ACYP2: variants seen among roughly 807,000 people sequenced by gnomAD.
The protein encoded by ACYP2 is acylphosphatase-2.
ACYP2 carries 12 observed loss-of-function variants against 11.2 expected under a neutral mutation model. That is an observed-to-expected ratio of 1.08 (90% CI 0.69 to 1.74). ACYP2 has a LOEUF of 1.74. Ranked by LOEUF, ACYP2 falls within the 40% of genes most tolerant of loss-of-function variation. The probability of loss-of-function intolerance (pLI) is 0.00; values close to 1 mark genes in which losing one functional copy is unlikely to be tolerated. For missense variants in ACYP2, 134 were observed against 101.9 expected (o/e 1.31, Z -1.35); for synonymous variants, 43 against 32.2 (o/e 1.33, Z -1.13).
At position 54,107,944 on chromosome 2, in the gene ACYP2, C is replaced by A. The variant is rs149244685; in HGVS notation, c.278-27509C>A. On this transcript the variant is annotated intron_variant, in intron 4 of 6. Transcript: ENST00000607452. The stretch of plus-strand genomic sequence containing the variant: ...AGCTGCTGGATTCAAAACAATGCAT[C>A]CCCTGCCATCATCAGAAGCTGCCAT... 1.7e-3 allele frequency among the ~76,000 whole-genome samples: 257 copies of A among 152,296 alleles called. 2 individuals carry two copies. Among genetic ancestry groups the A allele is most frequent in the African/African-American group, 5.9e-3 (246 of 41,560 alleles).
At chr2:54,286,615 TAC>T (rs1689088795) in intron 6 of ACYP2, among the ~76,000 whole-genome samples, 1 of 152,130 alleles carries the variant, frequency 6.6e-6, no homozygotes, top group Non-Finnish European at 1.5e-5. Flanking sequence ...GTTTTTACAC[TAC>T]TTTGCTCAAC....
chr2:54,060,372 T>A (rs1676400523), intron 4 of ACYP2, among the ~76,000 whole-genome samples: 1 of 151,898 alleles, frequency 6.6e-6, no homozygotes, highest in Admixed American at 6.5e-5. Flanking sequence ...TTCTATAAAC[T>A]TATTCTTGTT....
At chr2:54,050,758 C>T (rs113832122) in intron 2 of ACYP2, among the ~76,000 whole-genome samples, 1,920 of 151,908 alleles carry the variant, frequency 0.013, 15 homozygotes, top group Middle Eastern at 0.024. Flanking sequence ...TTATCAAATT[C>T]CTTTGTCTTT....
chr2:54,277,204 A>G (rs577199062), intron 6 of ACYP2, among the ~76,000 whole-genome samples: 4 of 152,328 alleles, frequency 2.6e-5, no homozygotes, highest in Non-Finnish European at 1.5e-5. Context: ...TTAATAAGGC[A>G]ACACAGGCAA....
chr2:54,138,798 T>G, intron 6 of ACYP2, 50 bp downstream of exon 3: 1 of 1,485,308 alleles, frequency 6.7e-7, no homozygotes, highest in Non-Finnish European at 9.3e-7. Context: ...AGGCTGCTGT[T>G]TTTTAGTTTT....
At chr2:54,202,370 G>T (rs1327833706) in intron 6 of ACYP2, among the ~76,000 whole-genome samples, 1 of 149,914 alleles carries the variant, frequency 6.7e-6, no homozygotes, top group Non-Finnish European at 1.5e-5. Flanking sequence ...GCCTCCCAAA[G>T]TGCTGGGATT....
intron 4 of ACYP2, among the ~76,000 whole-genome samples, chr2:54,119,134 T>G (rs1679995764): frequency 7.0e-6 from 1 of 142,748 alleles, no homozygotes; most frequent in Non-Finnish European, 1.5e-5. Context: ...ACTGCAGCCT[T>G]GAGCTCCTGG....
rs112316119 is a variant in ACYP2, at chr2:54,035,991, C to T, written c.63-14967C>T. The stretch of plus-strand genomic sequence containing the variant: ...ATATCTAAAGATATCAGTCAAAAGA[C>T]GATTGATTGGCCTAGGTAAACATAT... On this transcript the variant is annotated intron_variant, in intron 2 of 6. Transcript: ENST00000607452. Among the ~76,000 whole-genome samples the T allele has an allele frequency of 1.2e-3, 176 of 152,180 alleles. 1 individual carries two copies. The highest frequency in any genetic ancestry group is 4.2e-3 in the African/African-American group (176 of 41,526).
rs1573472053 is a variant in ACYP2 at position 53,994,833 on chromosome 2, T to C, written c.62+21023T>C. 2.6e-5 allele frequency among the ~76,000 whole-genome samples: 4 copies of C among 152,264 alleles called. No individual in the cohort carries two copies. The South Asian group carries it at 8.3e-4, about 32-fold the overall frequency. On this transcript the variant is annotated intron_variant, in intron 2 of 6. Transcript: ENST00000607452. ...CAGCCTAATACACACACATAAAATA[T>C]ACCTCTGGCATTACATTATAACTTC...
At chr2:54,208,155 T>C (rs983555623) in intron 6 of ACYP2, among the ~76,000 whole-genome samples, 22 of 152,016 alleles carry the variant, frequency 1.4e-4, no homozygotes, top group African/African-American at 5.3e-4. Context: ...TTTGTATGTG[T>C]GTCACCAAGT....
rs139924660 is a variant in ACYP2 at position 54,274,468 on chromosome 2, A to T, written c.405-30220A>T. Among the ~76,000 whole-genome samples the T allele has an allele frequency of 7.8e-3, 1,181 of 151,934 alleles. 17 individuals are homozygous for T. The highest frequency in any genetic ancestry group is 0.027 in the African/African-American group (1,136 of 41,414). ...CCAGCCTGGGCAACATAGTGAGCCC[A>T]TTTCTACAAAATAAAATAAAAAATT... On this transcript the variant is annotated intron_variant, in intron 6 of 6. Coordinates refer to ENST00000607452, the MANE Select transcript of ACYP2 (RefSeq NM_001320586.2).
At chr2:53,977,600 T>C (rs1036216704) in intron 2 of ACYP2, among the ~76,000 whole-genome samples, 4 of 151,922 alleles carry the variant, frequency 2.6e-5, no homozygotes, top group Non-Finnish European at 5.9e-5. Flanking sequence ...CTGGGTGTGG[T>C]GGCATGCGCC....
Position 54,151,106 on chromosome 2 carries a change from GTTAGAA to G in ACYP2, c.404+12366_404+12371del, listed in dbSNP as rs148280173. On this transcript the variant is annotated intron_variant, in intron 6 of 6. Transcript: ENST00000607452. Reference sequence around the variant, plus strand: ...CTTAAAATGTGTTCATAGTTCAAGAGTTAGAATTAGAATAGAGATACTCACTAATAG... The same window carrying G: ...CTTAAAATGTGTTCATAGTTCAAGAGTTAGAATAGAGATACTCACTAATAG... Among the ~76,000 whole-genome samples, 318 of 152,284 alleles carry G rather than the reference GTTAGAA, an allele frequency of 2.1e-3. 3 individuals are homozygous for G. The highest frequency in any genetic ancestry group is 7.2e-3 in the African/African-American group (299 of 41,558).
At chr2:54,195,601 C>G (rs963091696) in intron 6 of ACYP2, among the ~76,000 whole-genome samples, 1 of 150,528 alleles carries the variant, frequency 6.6e-6, no homozygotes, top group African/African-American at 2.5e-5. Flanking sequence ...GCTATCACAT[C>G]CGCAGCCACG....
At chr2:54,303,179 G>A (rs1304385376) in intron 6 of ACYP2, among the ~76,000 whole-genome samples, 1 of 152,092 alleles carries the variant, frequency 6.6e-6, no homozygotes, top group African/African-American at 2.4e-5. Context: ...GTGAGATCTT[G>A]TCTCTACTAA....
At position 54,274,916 on chromosome 2, in the gene ACYP2, G is replaced by C. The variant is rs143687164; in HGVS notation, c.405-29772G>C. ...TTTTGTGCTACCACATTAAACAGTG[G>C]TGCTTTTGATATCATTTAACTAAAC... is the stretch of plus-strand genomic sequence containing the variant. On this transcript the variant is annotated intron_variant, in intron 6 of 6. Transcript: ENST00000607452. 4.4e-3 allele frequency among the ~76,000 whole-genome samples: 675 copies of C among 152,278 alleles called. 8 individuals are homozygous for C. Among genetic ancestry groups the C allele is most frequent in the African/African-American group, 0.016 (645 of 41,562 alleles).
At chr2:54,289,918 C>T (rs1689228145) in intron 6 of ACYP2, among the ~76,000 whole-genome samples, 1 of 152,050 alleles carries the variant, frequency 6.6e-6, no homozygotes, top group South Asian at 2.1e-4. Context: ...ATGCTCAATA[C>T]AGCCGGTGTC....
chr2:54,232,755 G>A (rs1165872489), intron 6 of ACYP2, among the ~76,000 whole-genome samples: 3 of 152,126 alleles, frequency 2.0e-5, no homozygotes, highest in Admixed American at 6.5e-5. Flanking sequence ...GGCAAGAGAG[G>A]GAGAGCAAAG....
intron 4 of ACYP2, among the ~76,000 whole-genome samples, chr2:54,102,875 C>G (rs1485639717): frequency 2.6e-5 from 4 of 152,118 alleles, no homozygotes; most frequent in Non-Finnish European, 5.9e-5. Context: ...ATTCAGCAGT[C>G]TCATGGGTCT....
Sources: allele counts gnomAD v4.1 joint callset (sites outside exome capture counted in the v4.1 genomes callset), GRCh38; gene constraint gnomAD v4.1.1; transcripts MANE v1.5; gene names NCBI Gene and HGNC (gene_info 2026-07-23, HGNC 2026-07-21).